SAMD15: variants seen among roughly 807,000 people sequenced by gnomAD.
SAMD15 encodes the protein sterile alpha motif domain containing 15.
Under a neutral mutation model 50.5 loss-of-function variants are expected in SAMD15, and 37 were observed. The ratio of observed to expected loss-of-function variants is 0.73; its 90% confidence interval spans 0.56 to 0.96. SAMD15 has a LOEUF of 0.96. SAMD15 is among the 40% of genes least tolerant of loss of function. The pLI is 0.00. For missense variants in SAMD15, 789 were observed against 783.8 expected, an observed-to-expected ratio of 1.01 and a Z score of -0.08; for synonymous variants, 255 against 282.8, an observed-to-expected ratio of 0.90 and a Z score of 0.99.
intron 1 of SAMD15, among the ~76,000 whole-genome samples, chr14:77,379,400 T>TC (rs1292340921): frequency 6.6e-6 from 1 of 152,000 alleles, no homozygotes; most frequent in African/African-American, 2.4e-5. Flanking sequence ...CTTTTTTTTT[T>TC]TTTGAGACAC....
At chr14:77,390,091 G>A (rs1894053854) in intron 2 of SAMD15, among the ~76,000 whole-genome samples, 1 of 151,944 alleles carries the variant, frequency 6.6e-6, no homozygotes, top group South Asian at 2.1e-4. Context: ...CATCTCCCAG[G>A]TTCAAGCGAT....
At chr14:77,386,985 C>G (rs1894012219) in intron 2 of SAMD15, among the ~76,000 whole-genome samples, 1 of 152,216 alleles carries the variant, frequency 6.6e-6, no homozygotes. Flanking sequence ...TGAGTATAAG[C>G]TATCACCTTA....
At chr14:77,380,513 ACTGTT>A (rs1893932392) in intron 2 of SAMD15, 32 bp downstream of exon 2, 1 of 1,456,406 alleles carries the variant, frequency 6.9e-7, no homozygotes, top group African/African-American at 1.4e-5. Flanking sequence ...CCTACAGAGC[ACTGTT>A]AACAGTGCCA....
chr14:77,389,179 C>T (rs1029615595), intron 2 of SAMD15, among the ~76,000 whole-genome samples: 1 of 152,110 alleles, frequency 6.6e-6, no homozygotes. Flanking sequence ...ACCCATAAAT[C>T]ATCTCTAGAG....
At position 77,378,216 on chromosome 14, in the gene SAMD15, G is replaced by A. The variant is rs975638504; in HGVS notation, c.798G>A (p.Glu266=). The change falls in exon 1 of 3, where the codon GAG becomes GAA. Residue 266 remains glutamate, a synonymous_variant. Transcript: ENST00000216471. ...AGCAGGCTAGACTGGAATTTCTGGA[G>A]AAGGAACCAAGAAAGTCTAGTGAGG... ...PPEQARLEFL[E]KEPRKSSEEA... 6.2e-7 allele frequency: 1 copy of A among 1,613,970 alleles called. No individual in the cohort carries two copies. Among genetic ancestry groups the A allele is most frequent in the Non-Finnish European group, 8.5e-7 (1 of 1,179,998 alleles).
chr14:77,381,757 CCTAA>C (rs1361689281), intron 2 of SAMD15, among the ~76,000 whole-genome samples: 72 of 152,274 alleles, frequency 4.7e-4, no homozygotes, highest in African/African-American at 1.6e-3. Flanking sequence ...AACATACAGT[CCTAA>C]CTGAGCGTTT....
intron 1 of SAMD15, among the ~76,000 whole-genome samples, chr14:77,380,090 C>T (rs1044139606): frequency 1.3e-5 from 2 of 152,068 alleles, no homozygotes; most frequent in African/African-American, 4.8e-5. Context: ...AAAGAGCTTA[C>T]ATGGAAAAAT....
In SAMD15 at chr14:77,378,125, C is replaced by T. The variant is rs1265856202; in HGVS notation, c.707C>T (p.Thr236Ile). 1.2e-6 allele frequency: 2 copies of T among 1,613,760 alleles called. No individual in the cohort carries two copies. Among genetic ancestry groups the T allele is most frequent in the Middle Eastern group, 1.6e-4 (1 of 6,062 alleles). Residue 236 changes from threonine (T) to isoleucine (I), a missense_variant, in exon 1 of 3, where the codon ACC becomes ATC. This residue lies in a region of SAMD15 where 770 missense variants were observed against 745.4 expected (regional missense o/e 1.03). Coordinates refer to ENST00000216471, the MANE Select transcript of SAMD15 (RefSeq NM_001010860.4). ...ACAGATCTTCAGCCACCAAAGATGA[C>T]CAAACCAGAGACTCCAGAGGAGACA... Reference protein sequence around the residue: ...EETDLQPPKMTKPETPEETQR... With the variant: ...EETDLQPPKMIKPETPEETQR...
chr14:77,379,550 C>T (rs985460158), intron 1 of SAMD15, among the ~76,000 whole-genome samples: 1 of 152,082 alleles, frequency 6.6e-6, no homozygotes, highest in African/African-American at 2.4e-5. Flanking sequence ...CGCCACCATG[C>T]GCGGCTAATT....
chr14:77,388,940 A>C (rs1029517407), intron 2 of SAMD15, among the ~76,000 whole-genome samples: 2 of 152,044 alleles, frequency 1.3e-5, no homozygotes, highest in Non-Finnish European at 2.9e-5. Context: ...CAACTGATAA[A>C]GATCTCAATT....
intron 2 of SAMD15, among the ~76,000 whole-genome samples, chr14:77,388,526 C>G (rs891877544): frequency 6.6e-6 from 1 of 151,790 alleles, no homozygotes; most frequent in South Asian, 2.1e-4. Context: ...AAAGATCCTC[C>G]TACTTCAGCC....
At chr14:77,388,718 C>T (rs1463360961) in intron 2 of SAMD15, among the ~76,000 whole-genome samples, 1 of 152,014 alleles carries the variant, frequency 6.6e-6, no homozygotes, top group African/African-American at 2.4e-5. Flanking sequence ...AAGCGACTCT[C>T]CTGCCTCAAC....
chr14:77,382,323 C>T (rs1893953046), intron 2 of SAMD15, among the ~76,000 whole-genome samples: 1 of 152,010 alleles, frequency 6.6e-6, no homozygotes, highest in African/African-American at 2.4e-5. Context: ...TGGGGTTTCA[C>T]CGTGTTAGCC....
intron 2 of SAMD15, among the ~76,000 whole-genome samples, chr14:77,386,271 G>A (rs532595863): frequency 6.6e-6 from 1 of 152,252 alleles, no homozygotes; most frequent in South Asian, 2.1e-4. Context: ...GAACCATACA[G>A]AACAATTCTG....
intron 1 of SAMD15, among the ~76,000 whole-genome samples, chr14:77,380,107 G>A (rs1317213396): frequency 2.0e-5 from 3 of 152,164 alleles, no homozygotes; most frequent in Non-Finnish European, 4.4e-5. Context: ...AAATTGTGCC[G>A]TTATTGGGAT....
Position 77,378,460 on chromosome 14 carries a change from A to G in SAMD15, c.1042A>G (p.Thr348Ala). The part of the protein sequence containing the change: ...EEESRKTNEE[T>A]ILEQSEMMKP... ...AGAATCAAGAAAAACAAATGAGGAA[A>G]CAATTCTAGAACAATCAGAAATGAT... The change falls in exon 1 of 3, where the codon ACA (threonine) becomes GCA (alanine). Residue 348 changes from threonine (T) to alanine (A), a missense_variant. Thr to Ala is a moderately conservative substitution (Grantham distance 58). Coordinates refer to ENST00000216471, the MANE Select transcript of SAMD15 (RefSeq NM_001010860.4). The G allele has an allele frequency of 6.2e-7, 1 of 1,613,644 alleles. No homozygotes were observed. The highest frequency in any genetic ancestry group is 8.5e-7 in the Non-Finnish European group (1 of 1,179,930).
Position 77,391,277 on chromosome 14 carries a change from A to G in SAMD15, c.*33A>G. The G allele has an allele frequency of 7.3e-7, 1 of 1,361,626 alleles. No individual in the cohort carries two copies. Among genetic ancestry groups the G allele is most frequent in the Non-Finnish European group, 1.0e-6 (1 of 966,316 alleles). 84.3% of individuals were successfully genotyped at this position (1,361,626 alleles called of 1,614,324 possible). A position where few individuals can be genotyped will look rare whatever the true frequency, so the allele number is the denominator to read the frequency against. ...CCACTTCACAGAGCTTGAAAGATCA[A>G]ACTAAATTACTTGAGGGAAGAGGTA... On this transcript the variant is annotated 3_prime_UTR_variant, in exon 3 of 3. Coordinates refer to ENST00000216471, the MANE Select transcript of SAMD15 (RefSeq NM_001010860.4).
rs148744852 is a variant in SAMD15 at position 77,377,911 on chromosome 14, A to G, written c.493A>G (p.Thr165Ala). ...AACAGATCCAGATCCAGTGCCACCA[A>G]CGGAAACCATGTCTGAGGTTTCGGG... is the stretch of plus-strand genomic sequence containing the variant. The part of the protein sequence containing the change: ...METDPDPVPP[T>A]ETMSEVSGAT... The change falls in exon 1 of 3, where the codon ACG (threonine) becomes GCG (alanine). Residue 165 changes from threonine to alanine, a missense_variant. Around this residue, in one of 2 missense-constraint regions of SAMD15, gnomAD observed 770 missense variants for 745.4 expected, o/e 1.03. Transcript: ENST00000216471. 2.5e-6 allele frequency: 4 copies of G among 1,614,008 alleles called. No individual in the cohort carries two copies. The highest frequency in any genetic ancestry group is 3.4e-6 in the Non-Finnish European group (4 of 1,180,026).
chr14:77,391,230 T>C lies in SAMD15; in HGVS notation c.2011T>C (p.Cys671Arg). The change falls in exon 3 of 3, where the codon TGC becomes CGC. Residue 671 changes from cysteine to arginine, a missense_variant. Cys to Arg is a radical substitution (Grantham distance 180, BLOSUM62 -3). This residue lies in a region of SAMD15 where 19 missense variants were observed against 38.3 expected (regional missense o/e 0.50). Coordinates refer to ENST00000216471, the MANE Select transcript of SAMD15 (RefSeq NM_001010860.4). ...TAPEENEELP[C>R]TEP ...CCCTGAAGAGAATGAGGAATTACCT[T>C]GCACTGAACCATAGGGGAAATCCAC... 1 of 1,606,028 alleles carries C rather than the reference T, an allele frequency of 6.2e-7. No individual in the cohort carries two copies. Among genetic ancestry groups the C allele is most frequent in the Non-Finnish European group, 8.5e-7 (1 of 1,172,718 alleles).
Sources: allele counts gnomAD v4.1 joint callset (sites outside exome capture counted in the v4.1 genomes callset), GRCh38; gene constraint gnomAD v4.1.1; regional missense constraint gnomAD v4.1.1; transcripts MANE v1.5; gene names NCBI Gene and HGNC (gene_info 2026-07-23, HGNC 2026-07-21).